The following RNF4 variants were observed in gnomAD, a reference collection of about 807,000 sequenced individuals.
The protein encoded by RNF4 is ring finger protein 4, also known as E3 ubiquitin-protein ligase RNF4.
RNF4 carries 7 observed loss-of-function variants against 24.3 expected under a neutral mutation model. The ratio of observed to expected loss-of-function variants is 0.29; its 90% confidence interval spans 0.16 to 0.54. RNF4 has a LOEUF of 0.54. RNF4 is among the 20% of genes least tolerant of loss of function. RNF4 has a pLI of 0.95. For missense variants in RNF4, 209 were observed against 248.5 expected, an observed-to-expected ratio of 0.84 and a Z score of 1.07; for synonymous variants, 83 against 84.3, an observed-to-expected ratio of 0.98 and a Z score of 0.09.
intron 1 of RNF4, chr4:2,469,758 G>T (rs1388264845): frequency 6.6e-6 from 1 of 152,256 alleles, no homozygotes; most frequent in African/African-American, 2.4e-5. Flanking sequence ...CTGAGTACGG[G>T]TGCGGGCCTG....
chr4:2,473,282 G>A (rs1734962825), intron 1 of RNF4, among the ~76,000 whole-genome samples: 1 of 151,948 alleles, frequency 6.6e-6, no homozygotes, highest in African/African-American at 2.4e-5. Flanking sequence ...TACTTGAGGA[G>A]CTGAGGTAGG....
Position 2,495,189 on chromosome 4 carries a change from C to T in RNF4, c.10-1818C>T, listed in dbSNP as rs566934418. ...GGGGCTGGTTCTGTGCTCCTTAGTC[C>T]GTGGGAAGTTACTAGACCCAGCTTC... On this transcript the variant is annotated intron_variant, in intron 2 of 7. Transcript: ENST00000314289. 2.6e-5 allele frequency among the ~76,000 whole-genome samples: 4 copies of T among 152,252 alleles called. No homozygotes were observed. The South Asian group carries it at 8.3e-4, about 32-fold the overall frequency.
At chr4:2,471,284 T>TA (rs1338156065) in intron 1 of RNF4, among the ~76,000 whole-genome samples, 1 of 152,214 alleles carries the variant, frequency 6.6e-6, no homozygotes, top group Non-Finnish European at 1.5e-5. Flanking sequence ...TTTTCATTGT[T>TA]ACATCTGTTA....
At position 2,486,704 on chromosome 4, in the gene RNF4, G is replaced by C. The variant is rs547373494; in HGVS notation, c.-157-3633G>C. ...ACAGCCACAAGGCACATCTTCAGCAGCCGTATTTGGAAGCCTCAATATCAG... is the reference window on the plus strand; with the variant it reads ...ACAGCCACAAGGCACATCTTCAGCACCCGTATTTGGAAGCCTCAATATCAG... On this transcript the variant is annotated intron_variant, in intron 1 of 7. Transcript: ENST00000314289. Among the ~76,000 whole-genome samples the C allele has an allele frequency of 8.5e-5, 13 of 152,330 alleles. No individual in the cohort carries two copies. The East Asian group carries it at 2.3e-3, about 27-fold the overall frequency.
At chr4:2,477,600 C>T (rs1313807416) in intron 1 of RNF4, among the ~76,000 whole-genome samples, 1 of 151,778 alleles carries the variant, frequency 6.6e-6, no homozygotes, top group Non-Finnish European at 1.5e-5. Context: ...CAAAAGAGAT[C>T]TGATGCTTTT....
chr4:2,470,733 G>A (rs757120652), intron 1 of RNF4, among the ~76,000 whole-genome samples: 1 of 152,054 alleles, frequency 6.6e-6, no homozygotes, highest in Non-Finnish European at 1.5e-5. Context: ...TTTCTGCTTG[G>A]AATACAGCAG....
At chr4:2,484,156 G>T (rs915826178) in intron 1 of RNF4, among the ~76,000 whole-genome samples, 1 of 146,692 alleles carries the variant, frequency 6.8e-6, no homozygotes, top group East Asian at 2.0e-4. Flanking sequence ...GTGGGTAATT[G>T]TATCAGACTC....
At chr4:2,501,523 C>T (rs149801029) in intron 4 of RNF4, among the ~76,000 whole-genome samples, 1 of 152,236 alleles carries the variant, frequency 6.6e-6, no homozygotes, top group African/African-American at 2.4e-5. Flanking sequence ...GAGGCCTTGT[C>T]TGGTCAGAGG....
chr4:2,502,576 G>A lies in RNF4; in HGVS notation c.204+1838G>A, dbSNP rs1735945567. Reference sequence around the variant, plus strand: ...AGTCCCAGCTATTCAGGAGGCTAAGGCAGGAGAATCGCTTGAACCCAGGAA... The same window carrying A: ...AGTCCCAGCTATTCAGGAGGCTAAGACAGGAGAATCGCTTGAACCCAGGAA... On this transcript the variant is annotated intron_variant, in intron 4 of 7. Transcript: ENST00000314289. 2.0e-5 allele frequency among the ~76,000 whole-genome samples: 3 copies of A among 151,660 alleles called. No homozygotes were observed. In the South Asian group the frequency reaches 6.3e-4, roughly 32 times the overall value.
At chr4:2,489,793 T>C (rs560036780) in intron 1 of RNF4, 1 of 152,230 alleles carries the variant, frequency 6.6e-6, no homozygotes, top group Non-Finnish European at 1.5e-5. Context: ...TCTGGTGATT[T>C]CTCTGCCTTT....
At chr4:2,475,750 C>T (rs529333272) in intron 1 of RNF4, among the ~76,000 whole-genome samples, 8 of 152,282 alleles carry the variant, frequency 5.3e-5, no homozygotes, top group East Asian at 1.9e-4. Flanking sequence ...TGATTCCCTA[C>T]TTCTTACTCT....
Position 2,515,305 on chromosome 4 carries a change from G to T in RNF4, c.*1486G>T. The T allele has an allele frequency of 6.5e-6, 1 of 152,764 alleles. No homozygotes were observed. The highest frequency in any genetic ancestry group is 6.5e-5 in the Admixed American group (1 of 15,308). The allele number at this position is 152,764 out of a possible 1,614,324, so 9.5% of individuals were successfully genotyped here. On this transcript the variant is annotated 3_prime_UTR_variant, in exon 8 of 8. Coordinates refer to ENST00000314289, the MANE Select transcript of RNF4 (RefSeq NM_002938.5). ...GGAGTGTCCCTCCTCTATGTGAAAA[G>T]AAAATTGTTTTATTCTTCATTCTGA...
At chr4:2,483,718 T>TTC (rs1357135754) in intron 1 of RNF4, among the ~76,000 whole-genome samples, 1 of 152,020 alleles carries the variant, frequency 6.6e-6, no homozygotes, top group Non-Finnish European at 1.5e-5. Context: ...GCACAAGAAT[T>TTC]GCTTGAACCT....
chr4:2,479,309 G>T (rs2108752358), intron 1 of RNF4, among the ~76,000 whole-genome samples: 1 of 152,330 alleles, frequency 6.6e-6, no homozygotes, highest in East Asian at 1.9e-4. Context: ...GCTGAAATGA[G>T]TTAAGACTTT....
intron 4 of RNF4, among the ~76,000 whole-genome samples, chr4:2,509,383 A>T (rs1427783216): frequency 6.6e-6 from 1 of 150,626 alleles, no homozygotes; most frequent in East Asian, 2.0e-4. Flanking sequence ...ACACCCAGCT[A>T]ATTTTTGTAG....
intron 1 of RNF4, among the ~76,000 whole-genome samples, chr4:2,472,908 C>T (rs1243965943): frequency 2.6e-5 from 4 of 151,794 alleles, no homozygotes; most frequent in East Asian, 1.9e-4. Flanking sequence ...GTCTTGGCAG[C>T]GGGCACCTGT....
chr4:2,500,605 ACAACCTTACTTTCCTCT>A (rs1735880946), intron 3 of RNF4, 37 bp from the exon 4 acceptor site: 3 of 1,574,080 alleles, frequency 1.9e-6, no homozygotes, highest in Non-Finnish European at 2.6e-6. Flanking sequence ...GTAGAGGGAT[ACAACCTTACTTTCCTCT>A]TAATCTTAAT....
rs543804013 is a variant in RNF4 at position 2,486,536 on chromosome 4, A to G, written c.-157-3801A>G. Reference sequence around the variant, plus strand: ...AACCCAAAAGAGAGAGAAAAACCAGATTTGGGGTGAATTGCTGTATGGGCC... The same window carrying G: ...AACCCAAAAGAGAGAGAAAAACCAGGTTTGGGGTGAATTGCTGTATGGGCC... On this transcript the variant is annotated intron_variant, in intron 1 of 7. Coordinates refer to ENST00000314289, the MANE Select transcript of RNF4 (RefSeq NM_002938.5). Among the ~76,000 whole-genome samples, 6 of 152,166 alleles carry G rather than the reference A, an allele frequency of 3.9e-5. No homozygotes were observed. In the South Asian group the frequency reaches 1.2e-3, roughly 32 times the overall value.
Position 2,513,681 on chromosome 4 carries a change from T to C in RNF4, c.435T>C (p.Asn145=), listed in dbSNP as rs1736332606. The C allele has an allele frequency of 1.2e-6, 2 of 1,613,858 alleles. No homozygotes were observed. The highest frequency in any genetic ancestry group is 1.3e-5 in the African/African-American group (1 of 74,934). ...TTAATGCCTTCTAGATCGTGCAGAA[T>C]GGACGTCTCATCGTTTCCACAGAAT... The part of the protein sequence containing the change: ...CMDGYSEIVQ[N]GRLIVSTECG... Residue 145 remains asparagine, a synonymous_variant, in exon 8 of 8, where the codon AAT becomes AAC. Coordinates refer to ENST00000314289, the MANE Select transcript of RNF4 (RefSeq NM_002938.5).
Sources: gnomAD v4.1 joint callset for allele counts (sites outside exome capture counted in the v4.1 genomes callset) on GRCh38, gnomAD v4.1.1 for gene constraint, MANE v1.5 for transcripts, NCBI Gene and HGNC (gene_info 2026-07-23, HGNC 2026-07-21) for gene names.